The following PDLIM4 variants were observed in gnomAD, a reference collection of about 807,000 sequenced individuals.
The protein encoded by PDLIM4 is PDZ and LIM domain protein 4.
PDLIM4 carries 19 observed loss-of-function variants against 31.3 expected under a neutral mutation model. That is an observed-to-expected ratio of 0.61 (90% CI 0.42 to 0.89). The LOEUF (loss-of-function observed/expected upper bound fraction) is 0.89. Ranked by LOEUF, PDLIM4 falls within the 40% of genes least tolerant of loss-of-function variation. The pLI, the probability that PDLIM4 is intolerant of heterozygous loss-of-function variation, is 0.00. For missense variants in PDLIM4, 442 were observed against 461.1 expected (o/e 0.96, Z 0.38); for synonymous variants, 176 against 190.1 (o/e 0.93, Z 0.61).
rs541988522 is a variant in PDLIM4, at chr5:132,271,536, C to T, written c.670+70C>T. ...CAGTGCCCAGGTTGCCCCCTAGCGA[C>T]CCCACGTCCCGCCTCGCAGTCACCT... On this transcript the variant is annotated intron_variant, in intron 5 of 6. Coordinates refer to ENST00000253754, the MANE Select transcript of PDLIM4 (RefSeq NM_003687.4). The T allele has an allele frequency of 4.7e-6, 7 of 1,488,992 alleles. No individual in the cohort carries two copies. The African/African-American group carries it at 9.6e-5, about 20-fold the overall frequency. 92.2% of individuals were successfully genotyped at this position (1,488,992 alleles called of 1,614,324 possible).
chr5:132,265,242 G>A (rs1443350772), intron 2 of PDLIM4, among the ~76,000 whole-genome samples: 1 of 152,206 alleles, frequency 6.6e-6, no homozygotes, highest in Non-Finnish European at 1.5e-5. Context: ...TAATGGCTCT[G>A]GGTACTTTGT....
chr5:132,265,261 A>G (rs1473991036), intron 2 of PDLIM4, among the ~76,000 whole-genome samples: 2 of 152,138 alleles, frequency 1.3e-5, no homozygotes, highest in Non-Finnish European at 2.9e-5. Context: ...GTGCCCTTCG[A>G]CCTTAGACGT....
chr5:132,267,935 G>T lies in PDLIM4; in HGVS notation c.327+1390G>T, dbSNP rs138239043. 1.2e-4 allele frequency among the ~76,000 whole-genome samples: 18 copies of T among 152,310 alleles called. No individual in the cohort carries two copies. In the East Asian group the frequency reaches 3.1e-3, roughly 26 times the overall value. On this transcript the variant is annotated intron_variant, in intron 3 of 6. Transcript: ENST00000253754. ...GACAAATGAGCCAGGTTTGCCACAG[G>T]CCAGGCAGAGGGGAGCAGCAGGGTG...
intron 1 of PDLIM4, among the ~76,000 whole-genome samples, chr5:132,258,755 A>G (rs142952178): frequency 6.6e-6 from 1 of 152,250 alleles, no homozygotes; most frequent in Non-Finnish European, 1.5e-5. Context: ...GGCGGCTCTC[A>G]GTCTGGAAGG....
rs776752248 is a variant in PDLIM4, at chr5:132,257,770, C to T, written c.36C>T (p.Pro12=). Residue 12 remains proline, a synonymous_variant, in exon 1 of 7, where the codon CCC becomes CCT. Coordinates refer to ENST00000253754, the MANE Select transcript of PDLIM4 (RefSeq NM_003687.4). This position sits in a 1 kb window ranked among gnomAD's most constrained non-coding sequence, Gnocchi z 4.3. ...PHSVTLRGPS[P]WGFRLVGGRD... The stretch of plus-strand genomic sequence containing the variant: ...CCGTGACCCTGCGCGGGCCTTCGCC[C>T]TGGGGCTTCCGCCTGGTGGGCGGCC... The T allele has an allele frequency of 4.0e-6, 6 of 1,505,864 alleles. No homozygotes were observed. In the Admixed American group the frequency reaches 1.2e-4, roughly 31 times the overall value. The allele number at this position is 1,505,864 out of a possible 1,614,324, so 93.3% of individuals were successfully genotyped here.
At chr5:132,266,386 C>T (rs1561521882) in intron 2 of PDLIM4, 78 bp from the exon 3 acceptor site, 1 of 936,644 alleles carries the variant, frequency 1.1e-6, no homozygotes, top group African/African-American at 1.6e-5. Context: ...GCCCAGAGCC[C>T]AGCCCCTCTT....
intron 2 of PDLIM4, among the ~76,000 whole-genome samples, chr5:132,265,180 G>C (rs377507040): frequency 6.6e-6 from 1 of 152,196 alleles, no homozygotes; most frequent in African/African-American, 2.4e-5. Context: ...CCTGGGATGG[G>C]GGTTGACACA....
chr5:132,260,286 TC>T (rs1360649865), intron 1 of PDLIM4, among the ~76,000 whole-genome samples: 3 of 152,164 alleles, frequency 2.0e-5, no homozygotes, highest in Non-Finnish European at 4.4e-5. Flanking sequence ...ACTTCACTGT[TC>T]CTGTCTCTGT....
chr5:132,260,681 T>G (rs1322641538), intron 1 of PDLIM4, among the ~76,000 whole-genome samples: 1 of 152,252 alleles, frequency 6.6e-6, no homozygotes, highest in Non-Finnish European at 1.5e-5. Context: ...TGGCCTGGAT[T>G]GAAATCTTGA....
chr5:132,263,510 G>T (rs1198983450), intron 2 of PDLIM4, among the ~76,000 whole-genome samples: 2 of 151,970 alleles, frequency 1.3e-5, no homozygotes, highest in Non-Finnish European at 2.9e-5. Flanking sequence ...TCCACTGGGG[G>T]TGGGGGTGGG....
At chr5:132,271,223 T>G (rs775762512) in intron 4 of PDLIM4, 80 bp from the exon 5 acceptor site, 2 of 1,513,046 alleles carry the variant, frequency 1.3e-6, no homozygotes, top group Non-Finnish European at 1.8e-6. Context: ...TTCTGACTCA[T>G]AAGCCTTACC....
chr5:132,259,547 T>C (rs1293023114), intron 1 of PDLIM4, among the ~76,000 whole-genome samples: 2 of 152,056 alleles, frequency 1.3e-5, no homozygotes, highest in African/African-American at 4.8e-5. Context: ...AGGTTGGGTT[T>C]GGGTGGGATC....
chr5:132,272,989 G>T lies in PDLIM4; in HGVS notation c.*760G>T, dbSNP rs1580806066. On this transcript the variant is annotated 3_prime_UTR_variant, in exon 7 of 7. Coordinates refer to ENST00000253754, the MANE Select transcript of PDLIM4 (RefSeq NM_003687.4). ...TTAGAAAGAAAAGAACACTTGCCCA[G>T]GGCAGCTTTGCCCTCCAAGAGGCTC... is the stretch of plus-strand genomic sequence containing the variant. The T allele has an allele frequency of 6.6e-6, 1 of 152,412 alleles. No homozygotes were observed. The highest frequency in any genetic ancestry group is 2.4e-5 in the African/African-American group (1 of 41,430). 9.4% of individuals were successfully genotyped at this position (152,412 alleles called of 1,614,324 possible).
At chr5:132,268,644 T>C (rs1756542526) in intron 3 of PDLIM4, among the ~76,000 whole-genome samples, 1 of 152,154 alleles carries the variant, frequency 6.6e-6, no homozygotes, top group Non-Finnish European at 1.5e-5. Flanking sequence ...GCAATTATGC[T>C]CAGAACCAGG....
intron 2 of PDLIM4, among the ~76,000 whole-genome samples, chr5:132,264,590 C>CCATCTCCAGCG (rs1279845338): frequency 1.3e-5 from 2 of 152,014 alleles, no homozygotes; most frequent in Non-Finnish European, 2.9e-5. Context: ...CCTGCAGCCC[C>CCATCTCCAGCG]CTCACACATG....
chr5:132,271,958 C>G (rs1756632753), intron 6 of PDLIM4, 50 bp downstream of exon 6: 2 of 1,594,602 alleles, frequency 1.3e-6, no homozygotes, highest in Non-Finnish European at 1.7e-6. Context: ...TTCCAGGGCC[C>G]TGGATGCGGG....
intron 4 of PDLIM4, 38 bp from the exon 5 acceptor site, chr5:132,271,265 C>G: frequency 6.4e-7 from 1 of 1,565,820 alleles, no homozygotes; most frequent in Non-Finnish European, 8.7e-7. Flanking sequence ...AAGGCTGGAA[C>G]TGCATCCCTT....
At chr5:132,260,499 C>T (rs1296537318) in intron 1 of PDLIM4, among the ~76,000 whole-genome samples, 1 of 152,174 alleles carries the variant, frequency 6.6e-6, no homozygotes, top group Admixed American at 6.5e-5. Context: ...TCCCCTCACT[C>T]ATGATGCTCC....
chr5:132,271,001 A>G lies in PDLIM4; in HGVS notation c.414A>G (p.Gly138=), dbSNP rs764847755. 1.9e-6 allele frequency: 3 copies of G among 1,613,928 alleles called. No individual in the cohort carries two copies. Among genetic ancestry groups the G allele is most frequent in the Middle Eastern group, 1.6e-4 (1 of 6,084 alleles). Residue 138 remains glycine, a synonymous_variant, in exon 4 of 7, where the codon GGA becomes GGG. Transcript: ENST00000253754. ...GACCAAGCCTGGGATCTCCATATGG[A>G]CAACCCCCTCGCTTTCCAGTCCCTC... is the stretch of plus-strand genomic sequence containing the variant. ...DGRPSLGSPY[G]QPPRFPVPHN... is the part of the protein sequence containing the mutation.
Sources: gnomAD v4.1 joint callset for allele counts (sites outside exome capture counted in the v4.1 genomes callset) on GRCh38, gnomAD v4.1.1 for gene constraint, Gnocchi (gnomAD v3.1) non-coding constraint, MANE v1.5 for transcripts, NCBI Gene and HGNC (gene_info 2026-07-23, HGNC 2026-07-21) for gene names.